PLA2G4A: variants seen among roughly 807,000 people sequenced by gnomAD.
PLA2G4A encodes the protein cytosolic phospholipase A2.
Under a neutral mutation model 81.9 loss-of-function variants are expected in PLA2G4A, and 40 were observed. The observed-to-expected ratio is 0.49, with a 90% CI of 0.38 to 0.64. The LOEUF (loss-of-function observed/expected upper bound fraction) is 0.64, where lower values mean the gene tolerates loss of function less well. PLA2G4A is among the 30% of genes least tolerant of loss of function. The pLI is 0.00. For synonymous variants in PLA2G4A, 302 were observed against 296.9 expected (o/e 1.02, Z -0.18); for missense variants, 715 against 905.1 (o/e 0.79, Z 2.69).
chr1:186,985,556 T>A (rs1024623459), intron 17 of PLA2G4A, among the ~76,000 whole-genome samples: 6 of 152,226 alleles, frequency 3.9e-5, no homozygotes, highest in African/African-American at 1.4e-4. Context: ...TTTTCTGTTG[T>A]GATAACTCAA....
At chr1:186,953,730 A>T (rs1000996324) in intron 13 of PLA2G4A, among the ~76,000 whole-genome samples, 1 of 152,240 alleles carries the variant, frequency 6.6e-6, no homozygotes, top group Admixed American at 6.5e-5. Context: ...GTTATGATTA[A>T]TAAGCAATAA....
intron 3 of PLA2G4A, among the ~76,000 whole-genome samples, chr1:186,881,447 T>A (rs1473079261): frequency 6.6e-6 from 1 of 152,056 alleles, no homozygotes; most frequent in African/African-American, 2.4e-5. Context: ...ATTGGATTCT[T>A]CACTAACTTT....
chr1:186,950,604 AT>A, intron 12 of PLA2G4A, 52 bp from the exon 13 acceptor site: 1 of 946,928 alleles, frequency 1.1e-6, no homozygotes, highest in South Asian at 1.3e-5. Context: ...ATTAAAATTA[AT>A]TGTTAATTTT....
Position 186,988,417 on chromosome 1 carries a change from G to A in PLA2G4A, c.2159G>A (p.Arg720Lys). The A allele has an allele frequency of 6.2e-7, 1 of 1,611,752 alleles. No homozygotes were observed. Among genetic ancestry groups the A allele is most frequent in the Non-Finnish European group, 8.5e-7 (1 of 1,178,056 alleles). ...EAMVESIEYR[R>K]QNPSRCSVSL... ...ATGGTTGAAAGCATTGAATATAGAA[G>A]ACAGAATCCATCTCGTTGCTCTGTT... is the stretch of plus-strand genomic sequence containing the variant. Residue 720 changes from arginine to lysine, a missense_variant, in exon 18 of 18, where the codon AGA becomes AAA. By Grantham distance (26) the Arg-to-Lys change is conservative (BLOSUM62 2). Coordinates refer to ENST00000367466, the MANE Select transcript of PLA2G4A (RefSeq NM_024420.3).
intron 3 of PLA2G4A, among the ~76,000 whole-genome samples, chr1:186,871,975 A>T (rs552841831): frequency 6.6e-6 from 1 of 152,226 alleles, no homozygotes; most frequent in East Asian, 1.9e-4. Context: ...CTTAAGGCTC[A>T]TATCATCAGT....
intron 1 of PLA2G4A, among the ~76,000 whole-genome samples, chr1:186,849,733 C>T (rs781243352): frequency 2.6e-5 from 4 of 152,072 alleles, no homozygotes; most frequent in Non-Finnish European, 4.4e-5. Context: ...TTTTATACAA[C>T]TCTATTTCCA....
intron 3 of PLA2G4A, among the ~76,000 whole-genome samples, chr1:186,879,477 A>G (rs1571359800): frequency 6.6e-6 from 1 of 151,980 alleles, no homozygotes; most frequent in African/African-American, 2.4e-5. Flanking sequence ...TTTATAACAA[A>G]GAGGAAGCAT....
intron 1 of PLA2G4A, among the ~76,000 whole-genome samples, chr1:186,853,110 G>A (rs1000151293): frequency 6.6e-6 from 1 of 151,758 alleles, no homozygotes. Flanking sequence ...AATGAAGAAC[G>A]GGGGGAATCC....
chr1:186,950,555 A>T (rs1656518513), intron 12 of PLA2G4A, 102 bp from the exon 13 acceptor site: 2 of 684,888 alleles, frequency 2.9e-6, no homozygotes, highest in East Asian at 5.6e-5. Flanking sequence ...TAGAGCTAGT[A>T]GATCTCACTC....
chr1:186,916,214 T>C (rs1395918410), intron 7 of PLA2G4A, among the ~76,000 whole-genome samples: 1 of 152,194 alleles, frequency 6.6e-6, no homozygotes, highest in Non-Finnish European at 1.5e-5. Flanking sequence ...GGATCCAGTC[T>C]GGCCCTGTCG....
At chr1:186,962,785 G>T (rs1216545924) in intron 14 of PLA2G4A, among the ~76,000 whole-genome samples, 1 of 151,732 alleles carries the variant, frequency 6.6e-6, no homozygotes, top group Non-Finnish European at 1.5e-5. Context: ...CTCCCAAAGT[G>T]CTGGGATTAA....
intron 2 of PLA2G4A, among the ~76,000 whole-genome samples, chr1:186,856,447 T>C (rs966486889): frequency 7.3e-5 from 11 of 151,558 alleles, no homozygotes; most frequent in African/African-American, 2.7e-4. Flanking sequence ...TGGAATGCTG[T>C]AGTGCTATCA....
In PLA2G4A at chr1:186,889,107, T is replaced by C. The variant is rs144927526; in HGVS notation, c.116-3904T>C. Among the ~76,000 whole-genome samples, 7 of 152,314 alleles carry C rather than the reference T, an allele frequency of 4.6e-5. No homozygotes were observed. The East Asian group carries it at 9.7e-4, about 21-fold the overall frequency. On this transcript the variant is annotated intron_variant, in intron 3 of 17. Coordinates refer to ENST00000367466, the MANE Select transcript of PLA2G4A (RefSeq NM_024420.3). ...CTCCTGGTTGAAAATGTGATAATGT[T>C]ACCCTATGACATGTTCTCTTCTTCT...
intron 7 of PLA2G4A, among the ~76,000 whole-genome samples, chr1:186,919,768 G>A (rs1351843047): frequency 1.3e-5 from 2 of 152,200 alleles, no homozygotes; most frequent in African/African-American, 2.4e-5. Flanking sequence ...GCCAGCAGCA[G>A]CCCTAACAAT....
chr1:186,863,488 T>G (rs939760119), intron 2 of PLA2G4A, among the ~76,000 whole-genome samples: 8 of 152,158 alleles, frequency 5.3e-5, no homozygotes, highest in African/African-American at 1.7e-4. Flanking sequence ...CACATCTTTG[T>G]GGTGAGCACA....
intron 1 of PLA2G4A, among the ~76,000 whole-genome samples, chr1:186,844,064 C>T (rs1221067616): frequency 2.0e-5 from 3 of 152,106 alleles, no homozygotes; most frequent in Non-Finnish European, 4.4e-5. Context: ...TACTGTGGGA[C>T]TTAGTGGCAA....
At chr1:186,872,986 G>C (rs986790930) in intron 3 of PLA2G4A, among the ~76,000 whole-genome samples, 3 of 152,060 alleles carry the variant, frequency 2.0e-5, no homozygotes, top group African/African-American at 7.2e-5. Flanking sequence ...TTCAGCATTT[G>C]TAATTGGATT....
intron 11 of PLA2G4A, 21 bp downstream of exon 11, chr1:186,946,795 T>G (rs1361369568): frequency 6.2e-7 from 1 of 1,602,430 alleles, no homozygotes; most frequent in Non-Finnish European, 8.5e-7. Context: ...AAAATAAAAA[T>G]ATATCATTGA....
chr1:186,830,961 T>TAA (rs61289403), intron 1 of PLA2G4A, among the ~76,000 whole-genome samples: 1 of 38,448 alleles, frequency 2.6e-5, no homozygotes, highest in Admixed American at 3.3e-4. Context: ...TTGCTTGCTT[T>TAA]CTTTCTTTCT....
Sources: allele counts gnomAD v4.1 joint callset (sites outside exome capture counted in the v4.1 genomes callset), GRCh38; gene constraint gnomAD v4.1.1; transcripts MANE v1.5; gene names NCBI Gene and HGNC (gene_info 2026-07-23, HGNC 2026-07-21).